PDXK: variants seen among roughly 807,000 people sequenced by gnomAD.
The protein encoded by PDXK is epididymis secretory sperm binding protein Li 1a.
PDXK carries 15 observed loss-of-function variants against 43.2 expected under a neutral mutation model. That is an observed-to-expected ratio of 0.35 (90% CI 0.23 to 0.53). The LOEUF (loss-of-function observed/expected upper bound fraction) is 0.53, where lower values mean the gene tolerates loss of function less well. Ranked by LOEUF, PDXK falls within the 20% of genes least tolerant of loss-of-function variation. The pLI is 0.92. For missense variants in PDXK, 343 were observed against 417.0 expected, an observed-to-expected ratio of 0.82 and a Z score of 1.54; for synonymous variants, 172 against 165.4, an observed-to-expected ratio of 1.04 and a Z score of -0.31.
In PDXK at chr21:43,732,475, C is replaced by T. The variant is rs751505914; in HGVS notation, c.88-1594C>T. The stretch of plus-strand genomic sequence containing the variant: ...AAACGGAGATGCCAGCCCAGGGGCT[C>T]AGCTTGCTCGTGCTCTCATTTAAAA... On this transcript the variant is annotated intron_variant, in intron 1 of 10. Transcript: ENST00000291565. This position sits in a 1 kb window ranked among gnomAD's most constrained non-coding sequence, Gnocchi z 4.1. The T allele has an allele frequency of 3.8e-6, 6 of 1,595,006 alleles. No homozygotes were observed. The highest frequency in any genetic ancestry group is 1.7e-5 in the Admixed American group (1 of 60,018).
At position 43,740,761 on chromosome 21, in the gene PDXK, C is replaced by T. The variant is rs537982925; in HGVS notation, c.143-906C>T. Among the ~76,000 whole-genome samples the T allele has an allele frequency of 7.2e-5, 11 of 151,970 alleles. 1 individual carries two copies. In the South Asian group the frequency reaches 1.5e-3, roughly 20 times the overall value. On this transcript the variant is annotated intron_variant, in intron 2 of 10. Coordinates refer to ENST00000291565, the MANE Select transcript of PDXK (RefSeq NM_003681.5). ...CAGGTTGTATACACCTGGGCTGAGG[C>T]CTCTTTCTCATTCACATCTATCTCT...
chr21:43,751,135 GT>G (rs1160007985), intron 7 of PDXK, among the ~76,000 whole-genome samples: 1 of 152,244 alleles, frequency 6.6e-6, no homozygotes, highest in African/African-American at 2.4e-5. Context: ...TTTCTTCAAA[GT>G]CCTTTTTCTC....
At chr21:43,750,846 G>A (rs1224148713) in intron 7 of PDXK, among the ~76,000 whole-genome samples, 1 of 150,720 alleles carries the variant, frequency 6.6e-6, no homozygotes, top group African/African-American at 2.4e-5. Flanking sequence ...ACGTGTGTGT[G>A]TGCACATGTG....
rs187188065 is a variant in PDXK, at chr21:43,760,955, C to G, written c.*4892C>G. 4 of 152,364 alleles carry G rather than the reference C, an allele frequency of 2.6e-5. No homozygotes were observed. Among genetic ancestry groups the G allele is most frequent in the Admixed American group, 2.6e-4 (4 of 15,312 alleles). The allele number at this position is 152,364 out of a possible 1,614,324, so 9.4% of individuals were successfully genotyped here. ...GGTTTTCAATCGGCGTCTAAAACCACGTTCCTGCCTTTCATTGCAACACGG... is the reference window on the plus strand; with the variant it reads ...GGTTTTCAATCGGCGTCTAAAACCAGGTTCCTGCCTTTCATTGCAACACGG... On this transcript the variant is annotated 3_prime_UTR_variant, in exon 11 of 11. Transcript: ENST00000291565.
At chr21:43,742,310 G>A (rs1206100275) in intron 3 of PDXK, among the ~76,000 whole-genome samples, 1 of 152,122 alleles carries the variant, frequency 6.6e-6, no homozygotes, top group Non-Finnish European at 1.5e-5. Flanking sequence ...ATCCCAAGTA[G>A]CTGGGAGTAA....
intron 2 of PDXK, chr21:43,741,137 C>CGGGGGGG (rs2083495863): frequency 1.4e-5 from 1 of 74,070 alleles, no homozygotes; most frequent in African/African-American, 5.8e-5. Context: ...AGTAACCATC[C>CGGGGGGG]CTGACAGTGC....
chr21:43,729,328 CG>C (rs1389347128), intron 1 of PDXK, among the ~76,000 whole-genome samples: 1 of 152,222 alleles, frequency 6.6e-6, no homozygotes, highest in Admixed American at 6.5e-5. Context: ...CGTGCTGTCG[CG>C]GGGGCTCCGT....
Position 43,732,339 on chromosome 21 carries a change from C to T in PDXK, c.88-1730C>T, listed in dbSNP as rs765849224. ...TGGCACCCCGCCCCCCGTGCATTGTCGTCTTCTGAGTCTGGCTTTGTCTGG... is the reference window on the plus strand; with the variant it reads ...TGGCACCCCGCCCCCCGTGCATTGTTGTCTTCTGAGTCTGGCTTTGTCTGG... On this transcript the variant is annotated intron_variant, in intron 1 of 10. Coordinates refer to ENST00000291565, the MANE Select transcript of PDXK (RefSeq NM_003681.5). The surrounding 1 kb of genome is among the most constrained non-coding windows in gnomAD (Gnocchi z 4.1). 50 of 1,607,594 alleles carry T rather than the reference C, an allele frequency of 3.1e-5. No homozygotes were observed. In the East Asian group the frequency reaches 1.1e-3, roughly 34 times the overall value.
chr21:43,737,633 GTGAA>G lies in PDXK; in HGVS notation c.142+3511_142+3514del. The G allele has an allele frequency of 1.0e-6, 1 of 987,338 alleles. No homozygotes were observed. Among genetic ancestry groups the G allele is most frequent in the Non-Finnish European group, 1.2e-6 (1 of 831,652 alleles). The allele number at this position is 987,338 out of a possible 1,614,324, so 61.2% of individuals were successfully genotyped here. A position where few individuals can be genotyped will look rare whatever the true frequency, so the allele number is the denominator to read the frequency against. ...CTGCTGCAGGGAAGGGGCAGCTGGTGTGAACACAAGGAGCTGCGGGGCTGGAGAA... is the reference window on the plus strand; with the variant it reads ...CTGCTGCAGGGAAGGGGCAGCTGGTGCACAAGGAGCTGCGGGGCTGGAGAA... On this transcript the variant is annotated intron_variant, in intron 2 of 10. Transcript: ENST00000291565. The surrounding 1 kb of genome is among the most constrained non-coding windows in gnomAD (Gnocchi z 4.8).
intron 1 of PDXK, among the ~76,000 whole-genome samples, chr21:43,733,253 A>ACCCCCCCCCCC (rs1226314950): frequency 5.3e-5 from 3 of 56,166 alleles, no homozygotes; most frequent in Admixed American, 2.2e-4. Context: ...CCCCATCCCC[A>ACCCCCCCCCCC]CCCCCCCCCC....
intron 1 of PDXK, chr21:43,719,961 G>T: frequency 1.0e-6 from 1 of 976,362 alleles, no homozygotes; most frequent in Non-Finnish European, 1.2e-6. Context: ...AAGGGAAGAG[G>T]GTGGGGCAGG....
intron 1 of PDXK, chr21:43,733,671 A>G: frequency 9.4e-7 from 1 of 1,058,866 alleles, no homozygotes. Context: ...CAGCAGAGAC[A>G]GCCTCCCAGC....
chr21:43,757,485 C>T lies in PDXK; in HGVS notation c.*1422C>T, dbSNP rs1344324134. ...CCGCTACCTTCCCCACGGACGGGCC[C>T]CTCCTGGAGCCCATACCCTCCTGTG... On this transcript the variant is annotated 3_prime_UTR_variant, in exon 11 of 11. Coordinates refer to ENST00000291565, the MANE Select transcript of PDXK (RefSeq NM_003681.5). 2 of 152,212 alleles carry T rather than the reference C, an allele frequency of 1.3e-5. No homozygotes were observed. Among genetic ancestry groups the T allele is most frequent in the African/African-American group, 2.4e-5 (1 of 41,442 alleles). The allele number at this position is 152,212 out of a possible 1,614,324, so 9.4% of individuals were successfully genotyped here.
In PDXK at chr21:43,759,562, G is replaced by A. The variant is rs770304088; in HGVS notation, c.*3499G>A. ...TCTCTCCCTCTCTCCCCTGCCGCCT[G>A]CCTGGTCTCATGGGCCTCCTTCACA... is the stretch of plus-strand genomic sequence containing the variant. On this transcript the variant is annotated 3_prime_UTR_variant, in exon 11 of 11. Transcript: ENST00000291565. 8 of 154,166 alleles carry A rather than the reference G, an allele frequency of 5.2e-5. No individual in the cohort carries two copies. The highest frequency in any genetic ancestry group is 8.8e-5 in the Non-Finnish European group (6 of 68,486). The allele number at this position is 154,166 out of a possible 1,614,324, so 9.5% of individuals were successfully genotyped here.
rs550981604 is a variant in PDXK at position 43,757,665 on chromosome 21, C to T, written c.*1602C>T. The T allele has an allele frequency of 6.6e-6, 1 of 151,928 alleles. No homozygotes were observed. The highest frequency in any genetic ancestry group is 2.4e-5 in the African/African-American group (1 of 41,426). The allele number at this position is 151,928 out of a possible 1,614,324, so 9.4% of individuals were successfully genotyped here. A position where few individuals can be genotyped will look rare whatever the true frequency, so the allele number is the denominator to read the frequency against. ...CGTTCTGAATGTCTTCACGAGCGTGCATCAGGGCGCCTGGCTCCCCCACCT... is the reference window on the plus strand; with the variant it reads ...CGTTCTGAATGTCTTCACGAGCGTGTATCAGGGCGCCTGGCTCCCCCACCT... On this transcript the variant is annotated 3_prime_UTR_variant, in exon 11 of 11. Coordinates refer to ENST00000291565, the MANE Select transcript of PDXK (RefSeq NM_003681.5).
chr21:43,719,506 C>T (rs1391044731), intron 1 of PDXK, 125 bp downstream of exon 1: 1 of 1,323,246 alleles, frequency 7.6e-7, no homozygotes, highest in Non-Finnish European at 9.9e-7. Context: ...GGCGCGGGCG[C>T]CCTGGAGGCA....
chr21:43,746,158 TG>T, intron 5 of PDXK, 33 bp downstream of exon 5: 1 of 1,564,002 alleles, frequency 6.4e-7, no homozygotes, highest in Non-Finnish European at 8.8e-7. Flanking sequence ...TTTAAAAGTG[TG>T]GTGAGTGGAG....
chr21:43,719,405 G>C, intron 1 of PDXK, 24 bp downstream of exon 1: 1 of 1,515,036 alleles, frequency 6.6e-7, no homozygotes, highest in Non-Finnish European at 8.8e-7. Flanking sequence ...CGCAGCCCGG[G>C]CTTACGTAAC....
At chr21:43,733,271 C>G (rs1370877280) in intron 1 of PDXK, among the ~76,000 whole-genome samples, 10 of 136,454 alleles carry the variant, frequency 7.3e-5, no homozygotes, top group African/African-American at 2.6e-4. Flanking sequence ...CCCCGCCCCC[C>G]CCGCCCTGGA....
Sources: allele counts gnomAD v4.1 joint callset (sites outside exome capture counted in the v4.1 genomes callset), GRCh38; gene constraint gnomAD v4.1.1; non-coding constraint Gnocchi (gnomAD v3.1); transcripts MANE v1.5; gene names NCBI Gene and HGNC (gene_info 2026-07-23, HGNC 2026-07-21).